The following ABTB3 variants were observed in gnomAD, a reference collection of about 807,000 sequenced individuals.
The protein encoded by ABTB3 is ankyrin repeat and BTB domain containing 3.
the ABTB3 span, among the ~76,000 whole-genome samples, chr12:107,456,544 A>G: frequency 6.6e-6 from 1 of 150,696 alleles, no homozygotes; most frequent in Admixed American, 6.6e-5. Flanking sequence ...GCAGGAAAAC[A>G]AACTCTGGGC....
the ABTB3 span, among the ~76,000 whole-genome samples, chr12:107,621,595 A>T: frequency 1.3e-5 from 2 of 152,238 alleles, no homozygotes; most frequent in African/African-American, 4.8e-5. Flanking sequence ...GAGGTATGAC[A>T]TACGTACAGA....
At chr12:107,520,884 C>T in the ABTB3 span, among the ~76,000 whole-genome samples, 1 of 152,198 alleles carries the variant, frequency 6.6e-6, no homozygotes, top group Admixed American at 6.5e-5. Context: ...TTTTCTGAAC[C>T]TCAGTTTCCT....
the ABTB3 span, among the ~76,000 whole-genome samples, chr12:107,523,384 A>C: frequency 6.6e-6 from 1 of 152,200 alleles, no homozygotes; most frequent in African/African-American, 2.4e-5. Context: ...CAGTCCTGGG[A>C]TTCTTCTGAA....
At chr12:107,485,132 G>T in the ABTB3 span, among the ~76,000 whole-genome samples, 1 of 152,106 alleles carries the variant, frequency 6.6e-6, no homozygotes, top group Non-Finnish European at 1.5e-5. Flanking sequence ...AGCATTTTAG[G>T]GGTAAATAAT....
chr12:107,335,883 A>G, the ABTB3 span, among the ~76,000 whole-genome samples: 1 of 152,128 alleles, frequency 6.6e-6, no homozygotes, highest in African/African-American at 2.4e-5. Context: ...CATGAGGAGA[A>G]CCAATATTGG....
the ABTB3 span, among the ~76,000 whole-genome samples, chr12:107,507,374 G>T: frequency 6.6e-6 from 1 of 152,134 alleles, no homozygotes; most frequent in Non-Finnish European, 1.5e-5. Context: ...GAGAGGCCAG[G>T]AATGATATGG....
At chr12:107,320,191 C>T in the ABTB3 span, 1 of 1,319,108 alleles carries the variant, frequency 7.6e-7, no homozygotes, top group African/African-American at 1.5e-5. Context: ...TCCCAAGCCG[C>T]TGAGGAGGCG....
chr12:107,383,600 A>C, the ABTB3 span, among the ~76,000 whole-genome samples: 1 of 152,222 alleles, frequency 6.6e-6, no homozygotes, highest in Non-Finnish European at 1.5e-5. Context: ...CACAGTTATT[A>C]TCAGTGTTGC....
chr12:107,430,462 C>T, the ABTB3 span, among the ~76,000 whole-genome samples: 8 of 152,294 alleles, frequency 5.3e-5, no homozygotes, highest in South Asian at 1.5e-3. Context: ...CTCTAATAAT[C>T]AGTGTTTAAG....
At chr12:107,389,386 T>C in the ABTB3 span, among the ~76,000 whole-genome samples, 1 of 152,200 alleles carries the variant, frequency 6.6e-6, no homozygotes, top group Admixed American at 6.5e-5. Context: ...GTAGGAAAAC[T>C]GAGGTATAAG....
chr12:107,509,992 T>C, the ABTB3 span, among the ~76,000 whole-genome samples: 1 of 152,222 alleles, frequency 6.6e-6, no homozygotes, highest in East Asian at 1.9e-4. Flanking sequence ...TATCCCATTA[T>C]AGCCTCCCAG....
At chr12:107,384,123 A>T in the ABTB3 span, among the ~76,000 whole-genome samples, 2 of 152,242 alleles carry the variant, frequency 1.3e-5, no homozygotes, top group East Asian at 3.8e-4. Flanking sequence ...AGTAACTGAG[A>T]ACTCACATGT....
At chr12:107,637,129 G>C in the ABTB3 span, among the ~76,000 whole-genome samples, 1 of 152,204 alleles carries the variant, frequency 6.6e-6, no homozygotes, top group Non-Finnish European at 1.5e-5. Flanking sequence ...CAGCCATTTT[G>C]CTAAGTGCTC....
chr12:107,547,643 A>G, the ABTB3 span, among the ~76,000 whole-genome samples: 1 of 152,224 alleles, frequency 6.6e-6, no homozygotes, highest in Non-Finnish European at 1.5e-5. Flanking sequence ...ACAAAGTGGA[A>G]CTTAGAGTTT....
At chr12:107,413,981 C>T in the ABTB3 span, among the ~76,000 whole-genome samples, 1 of 152,136 alleles carries the variant, frequency 6.6e-6, no homozygotes, top group African/African-American at 2.4e-5. Flanking sequence ...ATTTTCTCAG[C>T]CTGGGCATCT....
At chr12:107,552,075 C>A in the ABTB3 span, among the ~76,000 whole-genome samples, 6 of 152,266 alleles carry the variant, frequency 3.9e-5, no homozygotes, top group African/African-American at 1.2e-4. Context: ...TCAGAAAAAT[C>A]AGTGAGAATT....
At chr12:107,569,817 G>A in the ABTB3 span, among the ~76,000 whole-genome samples, 1 of 152,204 alleles carries the variant, frequency 6.6e-6, no homozygotes, top group Non-Finnish European at 1.5e-5. Context: ...TCCAGGGCAG[G>A]TTTGGCCACT....
the ABTB3 span, among the ~76,000 whole-genome samples, chr12:107,487,149 G>C: frequency 2.0e-5 from 3 of 152,162 alleles, no homozygotes; most frequent in African/African-American, 7.2e-5. Flanking sequence ...AATGCATAGA[G>C]ATGCTCAGAC....
the ABTB3 span, among the ~76,000 whole-genome samples, chr12:107,361,582 C>A: frequency 6.6e-6 from 1 of 152,172 alleles, no homozygotes; most frequent in Non-Finnish European, 1.5e-5. Flanking sequence ...TCCCCCAGTT[C>A]ATAAAAGGCT....
Sources: allele counts gnomAD v4.1 joint callset (sites outside exome capture counted in the v4.1 genomes callset), GRCh38; gene constraint gnomAD v4.1.1; transcripts MANE v1.5; gene names NCBI Gene and HGNC (gene_info 2026-07-23, HGNC 2026-07-21).